Variants in ZNF892 observed in about 807,000 individuals in gnomAD.
The protein encoded by ZNF892 is zinc finger protein 892.
chr2:95,206,784 G>A, the ZNF892 span, among the ~76,000 whole-genome samples: 1 of 152,182 alleles, frequency 6.6e-6, no homozygotes, highest in Non-Finnish European at 1.5e-5. Context: ...GCGGAAGGGG[G>A]TTGGGTAAGG....
the ZNF892 span, among the ~76,000 whole-genome samples, chr2:95,235,624 A>G: frequency 6.6e-6 from 1 of 152,056 alleles, no homozygotes; most frequent in Non-Finnish European, 1.5e-5. Flanking sequence ...GCCTCCCAAA[A>G]TGCCAGGATT....
At chr2:95,226,166 C>T in the ZNF892 span, among the ~76,000 whole-genome samples, 2 of 152,116 alleles carry the variant, frequency 1.3e-5, no homozygotes, top group Non-Finnish European at 2.9e-5. Context: ...GTGGCTCCAC[C>T]CCTGTAACAA....
the ZNF892 span, among the ~76,000 whole-genome samples, chr2:95,225,043 A>G: frequency 1.6e-4 from 25 of 152,322 alleles, no homozygotes; most frequent in South Asian, 4.3e-3. Context: ...TATTCGCTAT[A>G]AATTACCCAT....
At chr2:95,252,241 C>A in the ZNF892 span, among the ~76,000 whole-genome samples, 2 of 144,320 alleles carry the variant, frequency 1.4e-5, no homozygotes, top group Non-Finnish European at 3.0e-5. Flanking sequence ...CCCCCTCCCC[C>A]CACCACACAG....
At chr2:95,225,825 AAAC>A in the ZNF892 span, among the ~76,000 whole-genome samples, 1 of 152,238 alleles carries the variant, frequency 6.6e-6, no homozygotes, top group African/African-American at 2.4e-5. Context: ...CTGTGAAATT[AAAC>A]AAGTTATGTG....
the ZNF892 span, chr2:95,232,199 G>A: frequency 4.6e-5 from 7 of 152,152 alleles, no homozygotes; most frequent in African/African-American, 1.4e-4. Context: ...GTACTTCTGC[G>A]ACTTTCGATT....
chr2:95,226,310 T>G, the ZNF892 span, among the ~76,000 whole-genome samples: 2 of 152,234 alleles, frequency 1.3e-5, no homozygotes, highest in African/African-American at 4.8e-5. Flanking sequence ...TCTAGTACTA[T>G]GTTGAATAGA....
the ZNF892 span, among the ~76,000 whole-genome samples, chr2:95,237,753 A>T: frequency 7.2e-5 from 11 of 152,260 alleles, no homozygotes; most frequent in Non-Finnish European, 1.0e-4. Flanking sequence ...AAGAAAATTA[A>T]ATGTGCTACT....
the ZNF892 span, among the ~76,000 whole-genome samples, chr2:95,245,452 G>GA: frequency 1.4e-3 from 126 of 90,410 alleles, 9 homozygotes; most frequent in East Asian, 0.029. Context: ...AGAGACGGCG[G>GA]GGGGGGGGGG....
the ZNF892 span, among the ~76,000 whole-genome samples, chr2:95,252,302 T>C: frequency 6.7e-6 from 1 of 148,162 alleles, no homozygotes; most frequent in Admixed American, 6.8e-5. Context: ...GTTCTCATTG[T>C]TCAATTCCCA....
At chr2:95,208,558 T>C in the ZNF892 span, 1 of 398,108 alleles carries the variant, frequency 2.5e-6, no homozygotes, top group Admixed American at 4.4e-5. Flanking sequence ...TGTTGACTCT[T>C]CTTAGATGAC....
the ZNF892 span, among the ~76,000 whole-genome samples, chr2:95,208,966 A>G: frequency 6.6e-6 from 1 of 152,190 alleles, no homozygotes; most frequent in African/African-American, 2.4e-5. Context: ...TGAGTACTGT[A>G]ATTGGCCTTG....
At chr2:95,260,011 G>A in the ZNF892 span, among the ~76,000 whole-genome samples, 69 of 152,314 alleles carry the variant, frequency 4.5e-4, no homozygotes, top group Non-Finnish European at 8.7e-4. Context: ...GCTTTGGTTA[G>A]GTGAAACCTG....
chr2:95,242,261 C>G, the ZNF892 span, among the ~76,000 whole-genome samples: 1 of 152,166 alleles, frequency 6.6e-6, no homozygotes, highest in Non-Finnish European at 1.5e-5. Context: ...AGGCCACTTA[C>G]AAAGGGAAGC....
chr2:95,230,574 G>A, the ZNF892 span, among the ~76,000 whole-genome samples: 1 of 152,098 alleles, frequency 6.6e-6, no homozygotes, highest in African/African-American at 2.4e-5. Context: ...GTCTGCATTG[G>A]GAACATTGTC....
chr2:95,222,773 T>C, the ZNF892 span, among the ~76,000 whole-genome samples: 1 of 152,234 alleles, frequency 6.6e-6, no homozygotes, highest in East Asian at 1.9e-4. Flanking sequence ...TTTTAAATGT[T>C]AATGAAGTCC....
At chr2:95,258,357 G>T in the ZNF892 span, among the ~76,000 whole-genome samples, 1 of 152,202 alleles carries the variant, frequency 6.6e-6, no homozygotes, top group Non-Finnish European at 1.5e-5. Flanking sequence ...GGAGTTGGAT[G>T]GCACAATCTA....
At chr2:95,212,765 A>G in the ZNF892 span, among the ~76,000 whole-genome samples, 1 of 152,202 alleles carries the variant, frequency 6.6e-6, no homozygotes, top group Non-Finnish European at 1.5e-5. Flanking sequence ...TTAGCTACTC[A>G]TTAGCTTTGT....
chr2:95,238,508 G>T, the ZNF892 span, among the ~76,000 whole-genome samples: 1 of 152,196 alleles, frequency 6.6e-6, no homozygotes, highest in Non-Finnish European at 1.5e-5. Flanking sequence ...TTTCATGCCT[G>T]CAAATACAAC....
Sources: gnomAD v4.1 joint callset for allele counts (sites outside exome capture counted in the v4.1 genomes callset) on GRCh38, gnomAD v4.1.1 for gene constraint, MANE v1.5 for transcripts, NCBI Gene and HGNC (gene_info 2026-07-23, HGNC 2026-07-21) for gene names.